The following UBE2E1 variants were observed in gnomAD, a reference collection of about 807,000 sequenced individuals.
UBE2E1 encodes ubiquitin-conjugating enzyme E2 E1.
In UBE2E1, 6 loss-of-function variants were observed where a neutral mutation model predicts 21.4. The observed-to-expected ratio is 0.28, with a 90% confidence interval of 0.15 to 0.55. UBE2E1 has a LOEUF of 0.55. UBE2E1 is among the 20% of genes least tolerant of loss of function. The pLI is 0.93. For synonymous variants in UBE2E1, 87 were observed against 82.7 expected, an observed-to-expected ratio of 1.05 and a Z score of -0.28; for missense variants, 142 against 236.5, an observed-to-expected ratio of 0.60 and a Z score of 2.62.
chr3:23,859,000 T>A (rs547928591), intron 3 of UBE2E1, among the ~76,000 whole-genome samples: 1 of 152,250 alleles, frequency 6.6e-6, no homozygotes, highest in Admixed American at 6.5e-5. Context: ...CACCCCCCAA[T>A]TTGGCTGGTA....
Position 23,890,497 on chromosome 3 carries a change from C to A in UBE2E1, c.485-12C>A, listed in dbSNP as rs921053273. On this transcript the variant is annotated splice_polypyrimidine_tract_variant and intron_variant, in intron 5 of 5. Transcript: ENST00000306627. ...TCCTTTCTCCAAAGTAATCTACATTCTTTTCTTCCAGCCGACCCCTTGGTG... is the reference window on the plus strand; with the variant it reads ...TCCTTTCTCCAAAGTAATCTACATTATTTTCTTCCAGCCGACCCCTTGGTG... 2 of 1,607,900 alleles carry A rather than the reference C, an allele frequency of 1.2e-6. No homozygotes were observed. Among genetic ancestry groups the A allele is most frequent in the Non-Finnish European group, 1.7e-6 (2 of 1,177,594 alleles).
intron 3 of UBE2E1, among the ~76,000 whole-genome samples, chr3:23,827,045 T>C (rs1428572859): frequency 6.6e-6 from 1 of 152,096 alleles, no homozygotes; most frequent in African/African-American, 2.4e-5. Context: ...AATAAACAGC[T>C]AAGAAAAGGG....
intron 3 of UBE2E1, among the ~76,000 whole-genome samples, chr3:23,884,263 T>G (rs1701125110): frequency 1.3e-5 from 2 of 152,218 alleles, no homozygotes; most frequent in South Asian, 4.1e-4. Flanking sequence ...ATTGGATTTC[T>G]GGTTATATCA....
intron 3 of UBE2E1, among the ~76,000 whole-genome samples, chr3:23,838,895 T>G (rs922181926): frequency 6.6e-5 from 10 of 151,156 alleles, no homozygotes; most frequent in Admixed American, 2.6e-4. Context: ...TTTTTAATGA[T>G]ACTATATTAA....
At chr3:23,826,104 G>A (rs1699753391) in intron 3 of UBE2E1, among the ~76,000 whole-genome samples, 3 of 152,126 alleles carry the variant, frequency 2.0e-5, no homozygotes, top group African/African-American at 4.8e-5. Flanking sequence ...AAAAAATAGA[G>A]GTTATGCAGA....
At chr3:23,878,302 G>A (rs564953282) in intron 3 of UBE2E1, among the ~76,000 whole-genome samples, 2 of 152,324 alleles carry the variant, frequency 1.3e-5, no homozygotes, top group Admixed American at 1.3e-4. Context: ...CACTGCATTT[G>A]TCAAAATCAG....
chr3:23,843,265 G>A (rs1437387814), intron 3 of UBE2E1, among the ~76,000 whole-genome samples: 1 of 152,102 alleles, frequency 6.6e-6, no homozygotes, highest in Non-Finnish European at 1.5e-5. Flanking sequence ...TGCCAGTCTT[G>A]TTGACTGCAG....
At chr3:23,819,006 C>G (rs77469481) in intron 3 of UBE2E1, among the ~76,000 whole-genome samples, 2,354 of 152,188 alleles carry the variant, frequency 0.015, 72 homozygotes, top group African/African-American at 0.054. Context: ...CTAGAGAGTC[C>G]GGGCACGGTG....
intron 3 of UBE2E1, among the ~76,000 whole-genome samples, chr3:23,841,326 G>C (rs1003718614): frequency 4.6e-5 from 7 of 152,070 alleles, no homozygotes; most frequent in African/African-American, 1.7e-4. Context: ...GGCCATATCA[G>C]CTGAACTGTG....
intron 2 of UBE2E1, 69 bp from the exon 3 acceptor site, chr3:23,811,391 C>G (rs143755079): frequency 1.4e-6 from 2 of 1,464,460 alleles, no homozygotes; most frequent in East Asian, 2.3e-5. Context: ...CAGACCTGCA[C>G]GCTACAGGTG....
At chr3:23,888,098 G>A (rs757080931) in intron 4 of UBE2E1, 13 of 404,472 alleles carry the variant, frequency 3.2e-5, no homozygotes, top group Non-Finnish European at 5.9e-5. Flanking sequence ...TTTGAGTCCA[G>A]TCTGGGCAAC....
At chr3:23,813,865 G>A (rs148844826) in intron 3 of UBE2E1, among the ~76,000 whole-genome samples, 53 of 152,184 alleles carry the variant, frequency 3.5e-4, no homozygotes, top group African/African-American at 1.1e-3. Flanking sequence ...TGAAGTCAGC[G>A]TCCAATGAAA....
rs1700105953 is a variant in UBE2E1 at position 23,842,238 on chromosome 3, TG to T, written c.203+30729del. Among the ~76,000 whole-genome samples the T allele has an allele frequency of 1.3e-5, 1 of 75,522 alleles. No homozygotes were observed. Among genetic ancestry groups the T allele is most frequent in the African/African-American group, 5.3e-5 (1 of 18,958 alleles). The allele number at this position is 75,522 out of a possible 152,430, so 49.5% of individuals were successfully genotyped here. ...GTGTGTGTGTGTGTGTGTGTGTGTG[TG>T]TGTGTGTGTGGTGTTGTTGTTGTTG... On this transcript the variant is annotated intron_variant, in intron 3 of 5. Coordinates refer to ENST00000306627, the MANE Select transcript of UBE2E1 (RefSeq NM_003341.5). The surrounding 1 kb of genome is among the most constrained non-coding windows in gnomAD (Gnocchi z 4.6).
At position 23,879,082 on chromosome 3, in the gene UBE2E1, T is replaced by G. The variant is rs372039441; in HGVS notation, c.204-8485T>G. 513 of 497,664 alleles carry G rather than the reference T, an allele frequency of 1.0e-3. 11 individuals carry two copies. Among genetic ancestry groups the G allele is most frequent in the South Asian group, 6.5e-3 (402 of 62,110 alleles). The allele number at this position is 497,664 out of a possible 1,614,324, so 30.8% of individuals were successfully genotyped here. On this transcript the variant is annotated intron_variant, in intron 3 of 5. Transcript: ENST00000306627. ...AACAATGTATCAGTTCCTGAGAGAATGAGTTCCTGAAGTCTTGCTGTTAGC... is the reference window on the plus strand; with the variant it reads ...AACAATGTATCAGTTCCTGAGAGAAGGAGTTCCTGAAGTCTTGCTGTTAGC...
intron 3 of UBE2E1, among the ~76,000 whole-genome samples, chr3:23,873,889 T>G (rs1457326487): frequency 6.6e-6 from 1 of 152,204 alleles, no homozygotes; most frequent in Non-Finnish European, 1.5e-5. Context: ...AACAAAAAAC[T>G]GAAAATTATT....
In UBE2E1 at chr3:23,885,394, A is replaced by T. The variant is rs140053835; in HGVS notation, c.204-2173A>T. ...CGGTTCTAACCTCAGGAAATGAAGC[A>T]ATAATGGTAATATCATTTCACTGGA... On this transcript the variant is annotated intron_variant, in intron 3 of 5. Coordinates refer to ENST00000306627, the MANE Select transcript of UBE2E1 (RefSeq NM_003341.5). Among the ~76,000 whole-genome samples the T allele has an allele frequency of 9.2e-3, 1,397 of 152,344 alleles. 70 individuals carry two copies. The highest frequency in any genetic ancestry group is 0.073 in the Admixed American group (1,114 of 15,300).
At chr3:23,878,917 C>G (rs1296158156) in intron 3 of UBE2E1, 3 of 358,986 alleles carry the variant, frequency 8.4e-6, no homozygotes, top group Admixed American at 3.7e-5. Context: ...TCCCACCCCC[C>G]ATCTGTGGAA....
intron 3 of UBE2E1, among the ~76,000 whole-genome samples, chr3:23,886,731 G>A (rs925582359): frequency 6.6e-6 from 1 of 152,184 alleles, no homozygotes; most frequent in African/African-American, 2.4e-5. Flanking sequence ...GTCTTGTTCA[G>A]CATCAAAACC....
In UBE2E1 at chr3:23,808,719, A is replaced by C. The variant is rs923091128; in HGVS notation, c.152+1298A>C. 1 of 152,260 alleles carries C rather than the reference A, an allele frequency of 6.6e-6. No homozygotes were observed. Among genetic ancestry groups the C allele is most frequent in the Non-Finnish European group, 1.5e-5 (1 of 68,066 alleles). 9.4% of individuals were successfully genotyped at this position (152,260 alleles called of 1,614,324 possible). ...GTTTGGTTTGATTGTACAGCTTCTC[A>C]GGAGGCCTGACTGACCCTCACTGAT... On this transcript the variant is annotated intron_variant, in intron 2 of 5. Transcript: ENST00000306627. The surrounding 1 kb of genome is among the most constrained non-coding windows in gnomAD (Gnocchi z 4.9).
Sources: allele counts gnomAD v4.1 joint callset (sites outside exome capture counted in the v4.1 genomes callset), GRCh38; gene constraint gnomAD v4.1.1; non-coding constraint Gnocchi (gnomAD v3.1); transcripts MANE v1.5; gene names NCBI Gene and HGNC (gene_info 2026-07-23, HGNC 2026-07-21).